Variants in CHSY3 observed in about 807,000 individuals in gnomAD.
The protein encoded by CHSY3 is N-acetylgalactosaminyl-proteoglycan 3-beta-glucuronosyltransferase 3.
A neutral mutation model predicts 67.2 loss-of-function variants in CHSY3; 35 were observed. The observed-to-expected ratio is 0.52, with a 90% CI of 0.40 to 0.69. The LOEUF (loss-of-function observed/expected upper bound fraction) is 0.69. Ranked by LOEUF, CHSY3 falls within the 30% of genes least tolerant of loss-of-function variation. The probability of loss-of-function intolerance (pLI) is 0.00; values close to 1 mark genes in which losing one functional copy is unlikely to be tolerated. For missense variants in CHSY3, 1,069 were observed against 1,138.5 expected, an observed-to-expected ratio of 0.94 and a Z score of 0.88; for synonymous variants, 474 against 434.7, an observed-to-expected ratio of 1.09 and a Z score of -1.12.
chr5:130,007,463 G>A (rs1763907386), intron 2 of CHSY3, among the ~76,000 whole-genome samples: 1 of 152,102 alleles, frequency 6.6e-6, no homozygotes, highest in Admixed American at 6.5e-5. Flanking sequence ...AGGGAGCAGA[G>A]AACCCTGCAT....
chr5:130,107,624 T>C (rs1201682054), intron 2 of CHSY3, among the ~76,000 whole-genome samples: 1 of 151,664 alleles, frequency 6.6e-6, no homozygotes, highest in Admixed American at 6.6e-5. Flanking sequence ...CTTCACTCTT[T>C]GTAGTATTAC....
At chr5:130,089,988 C>T (rs951309009) in intron 2 of CHSY3, among the ~76,000 whole-genome samples, 5 of 152,118 alleles carry the variant, frequency 3.3e-5, no homozygotes, top group Non-Finnish European at 5.9e-5. Flanking sequence ...GTAGAGGGAA[C>T]GCATCTTTAT....
At chr5:130,052,990 T>G (rs1765411846) in intron 2 of CHSY3, among the ~76,000 whole-genome samples, 1 of 151,374 alleles carries the variant, frequency 6.6e-6, no homozygotes, top group Admixed American at 6.6e-5. Context: ...AAACAAGGAG[T>G]GAATTGGATA....
rs1472041992 is a variant in CHSY3 at position 129,904,863 on chromosome 5, G to A, written c.34G>A (p.Val12Met). The A allele has an allele frequency of 6.8e-7, 1 of 1,471,640 alleles. No individual in the cohort carries two copies. Among genetic ancestry groups the A allele is most frequent in the Non-Finnish European group, 9.0e-7 (1 of 1,107,282 alleles). 91.2% of individuals were successfully genotyped at this position (1,471,640 alleles called of 1,614,324 possible). ...AVRSRRPWMS[V>M]ALGLVLGFTA... Reference sequence around the variant, plus strand: ...GCGCTCTCGCCGCCCGTGGATGAGCGTGGCATTAGGGCTGGTGCTGGGCTT... The same window carrying A: ...GCGCTCTCGCCGCCCGTGGATGAGCATGGCATTAGGGCTGGTGCTGGGCTT... Residue 12 changes from valine (V) to methionine (M), a missense_variant, in exon 1 of 3, where the codon GTG becomes ATG. Physicochemically the swap from Val to Met is conservative, Grantham distance 21. Coordinates refer to ENST00000305031, the MANE Select transcript of CHSY3 (RefSeq NM_175856.5).
chr5:130,071,323 A>C (rs188558611), intron 2 of CHSY3, among the ~76,000 whole-genome samples: 2 of 152,228 alleles, frequency 1.3e-5, no homozygotes, highest in East Asian at 3.9e-4. Context: ...ATATGTTTGC[A>C]TGAAAATGAA....
chr5:130,026,638 G>T (rs6891391), intron 2 of CHSY3, among the ~76,000 whole-genome samples: 1,862 of 152,084 alleles, frequency 0.012, 35 homozygotes, highest in African/African-American at 0.042. Flanking sequence ...GGATCTTACT[G>T]CCCTTAAAAT....
At chr5:129,914,359 T>G (rs1240130852) in intron 2 of CHSY3, among the ~76,000 whole-genome samples, 1 of 152,186 alleles carries the variant, frequency 6.6e-6, no homozygotes, top group East Asian at 1.9e-4. Context: ...GTGATCTGCC[T>G]GCCTTGGCCT....
chr5:129,961,047 C>T (rs889569487), intron 2 of CHSY3, among the ~76,000 whole-genome samples: 2 of 152,042 alleles, frequency 1.3e-5, no homozygotes, highest in Non-Finnish European at 1.5e-5. Context: ...TGGTTGATTG[C>T]GGCAAGTCTG....
Position 129,907,982 on chromosome 5 carries a change from T to C in CHSY3, c.803-95T>C. ...TTTCAGTTGTGTAAGACTGAGGATTTTAAGCACAATGTTGAAAGTTCTGTC... is the reference window on the plus strand; with the variant it reads ...TTTCAGTTGTGTAAGACTGAGGATTCTAAGCACAATGTTGAAAGTTCTGTC... On this transcript the variant is annotated intron_variant, in intron 1 of 2. Coordinates refer to ENST00000305031, the MANE Select transcript of CHSY3 (RefSeq NM_175856.5). The C allele has an allele frequency of 2.7e-6, 4 of 1,498,224 alleles. 1 individual carries two copies. The South Asian group carries it at 5.6e-5, about 21-fold the overall frequency. 92.8% of individuals were successfully genotyped at this position (1,498,224 alleles called of 1,614,324 possible).
At chr5:130,041,754 T>A (rs2149665689) in intron 2 of CHSY3, among the ~76,000 whole-genome samples, 1 of 152,256 alleles carries the variant, frequency 6.6e-6, no homozygotes, top group Admixed American at 6.5e-5. Context: ...GGCTACATTT[T>A]AACAGATATA....
chr5:129,912,425 C>G (rs1192746247), intron 2 of CHSY3, among the ~76,000 whole-genome samples: 1 of 152,098 alleles, frequency 6.6e-6, no homozygotes, highest in Non-Finnish European at 1.5e-5. Context: ...GTGGGAACCT[C>G]CTCCTGGTGT....
At chr5:130,155,782 T>C (rs1312207273) in intron 2 of CHSY3, among the ~76,000 whole-genome samples, 1 of 152,196 alleles carries the variant, frequency 6.6e-6, no homozygotes, top group African/African-American at 2.4e-5. Context: ...TTTCAGAAGC[T>C]GAAGAAGGCC....
intron 2 of CHSY3, among the ~76,000 whole-genome samples, chr5:129,928,236 T>C (rs908821825): frequency 1.5e-5 from 2 of 132,836 alleles, no homozygotes; most frequent in Admixed American, 1.8e-4. Context: ...TCAACTTCAC[T>C]GATCATTAGA....
intron 2 of CHSY3, among the ~76,000 whole-genome samples, chr5:130,067,314 A>G (rs1490576750): frequency 6.6e-6 from 1 of 152,176 alleles, no homozygotes; most frequent in Non-Finnish European, 1.5e-5. Flanking sequence ...ATGTGTCACC[A>G]TAGTTCTGTT....
At chr5:130,039,306 G>T (rs1034081544) in intron 2 of CHSY3, among the ~76,000 whole-genome samples, 1 of 152,024 alleles carries the variant, frequency 6.6e-6, no homozygotes, top group Non-Finnish European at 1.5e-5. Context: ...GGACAAAATA[G>T]GGAGAACCTG....
chr5:129,909,247 T>C (rs1291643232), intron 2 of CHSY3, among the ~76,000 whole-genome samples: 2 of 152,152 alleles, frequency 1.3e-5, no homozygotes, highest in African/African-American at 4.8e-5. Flanking sequence ...TTAGTATAGT[T>C]TGGTTTTCAA....
chr5:130,055,236 A>G (rs944017094), intron 2 of CHSY3, among the ~76,000 whole-genome samples: 12 of 151,592 alleles, frequency 7.9e-5, no homozygotes, highest in African/African-American at 2.9e-4. Flanking sequence ...TGTTTTTGAC[A>G]TGCCCTCCTT....
chr5:130,044,477 A>G (rs1765089146), intron 2 of CHSY3, among the ~76,000 whole-genome samples: 1 of 152,170 alleles, frequency 6.6e-6, no homozygotes, highest in Non-Finnish European at 1.5e-5. Context: ...AGGAAAGCAG[A>G]TGAAGTCAGT....
intron 2 of CHSY3, among the ~76,000 whole-genome samples, chr5:129,984,319 T>C (rs1205450699): frequency 6.6e-6 from 1 of 152,158 alleles, no homozygotes; most frequent in Non-Finnish European, 1.5e-5. Flanking sequence ...GTTTTGATAA[T>C]GGCTTCCAGC....
Sources: allele counts gnomAD v4.1 joint callset (sites outside exome capture counted in the v4.1 genomes callset), GRCh38; gene constraint gnomAD v4.1.1; transcripts MANE v1.5; gene names NCBI Gene and HGNC (gene_info 2026-07-23, HGNC 2026-07-21).